Variants in OMD observed in about 807,000 individuals in gnomAD.
OMD encodes KSPG osteomodulin.
A neutral mutation model predicts 31.2 loss-of-function variants in OMD; 19 were observed. The ratio of observed to expected loss-of-function variants is 0.61; its 90% CI spans 0.42 to 0.89. OMD has a LOEUF of 0.89. Ranked by LOEUF, OMD falls within the 40% of genes least tolerant of loss-of-function variation. The pLI is 0.00. For missense variants in OMD, 448 were observed against 490.8 expected (o/e 0.91, Z 0.82); for synonymous variants, 155 against 166.4 (o/e 0.93, Z 0.53).
At chr9:92,417,606 G>A in intron 1 of OMD, 32 bp from the exon 2 acceptor site, 1 of 1,160,422 alleles carries the variant, frequency 8.6e-7, no homozygotes, top group Non-Finnish European at 1.2e-6. Context: ...ACATTGTGGA[G>A]AAAGTGAGTA....
intron 1 of OMD, among the ~76,000 whole-genome samples, chr9:92,418,008 G>A (rs1367546711): frequency 6.6e-6 from 1 of 152,142 alleles, no homozygotes; most frequent in African/African-American, 2.4e-5. Context: ...GATTACAGGT[G>A]TGAGCCACCA....
At chr9:92,423,140 C>T (rs1476416457) in intron 1 of OMD, among the ~76,000 whole-genome samples, 1 of 152,172 alleles carries the variant, frequency 6.6e-6, no homozygotes, top group Non-Finnish European at 1.5e-5. Context: ...TTCATGAGAG[C>T]TTGACTGTTC....
chr9:92,415,210 G>A lies in OMD; in HGVS notation c.1208C>T (p.Pro403Leu), dbSNP rs753804397. ...GTGCCCTTCTGCTCCTTCTTGTTCT[G>A]GGCTCTCATGAGCATTGTCAGGATC... ...HDDPDNAHES[P>L]EQEGAEGHFD... Residue 403 changes from proline (P) to leucine (L), a missense_variant, in exon 3 of 3, where the codon CCA becomes CTA. By Grantham distance (98) the Pro-to-Leu change is moderately conservative (BLOSUM62 -3). Transcript: ENST00000375550. 5.0e-6 allele frequency: 8 copies of A among 1,613,456 alleles called. No individual in the cohort carries two copies. Among genetic ancestry groups the A allele is most frequent in the Admixed American group, 1.7e-5 (1 of 59,968 alleles).
chr9:92,416,534 A>G, intron 2 of OMD, 85 bp downstream of exon 2: 1 of 889,734 alleles, frequency 1.1e-6, no homozygotes, highest in South Asian at 2.0e-5. Flanking sequence ...GCAATGTCTA[A>G]AGCATAGCTT....
At position 92,412,757 on chromosome 9, in the gene OMD, G is replaced by A. The variant is rs1843479169; in HGVS notation, c.*2395C>T. ...ATCACATTTTGTGTATCCATTGATG[G>A]ACATTTGCGTGGTTTCTACCTTTGG... is the stretch of plus-strand genomic sequence containing the variant. On this transcript the variant is annotated 3_prime_UTR_variant, in exon 3 of 3. Transcript: ENST00000375550. 6.6e-6 allele frequency among the ~76,000 whole-genome samples: 1 copy of A among 152,110 alleles called. No homozygotes were observed. Among genetic ancestry groups the A allele is most frequent in the Non-Finnish European group, 1.5e-5 (1 of 68,032 alleles).
Position 92,412,522 on chromosome 9 carries a change from C to T in OMD, c.*2630G>A, listed in dbSNP as rs1010877896. On this transcript the variant is annotated 3_prime_UTR_variant, in exon 3 of 3. Coordinates refer to ENST00000375550, the MANE Select transcript of OMD (RefSeq NM_005014.3). Reference sequence around the variant, plus strand: ...CAGTTACTTCTCACTTTCCCCATTCCCATGATCCCCAGCTCTAGGCAACCA... The same window carrying T: ...CAGTTACTTCTCACTTTCCCCATTCTCATGATCCCCAGCTCTAGGCAACCA... Among the ~76,000 whole-genome samples, 1 of 152,186 alleles carries T rather than the reference C, an allele frequency of 6.6e-6. No homozygotes were observed. Among genetic ancestry groups the T allele is most frequent in the Non-Finnish European group, 1.5e-5 (1 of 68,044 alleles).
chr9:92,417,398 G>T lies in OMD; in HGVS notation c.161C>A (p.Pro54His), dbSNP rs745318639. The change falls in exon 2 of 3, where the codon CCT becomes CAT. Residue 54 changes from proline to histidine, a missense_variant. By Grantham distance (77) the Pro-to-His change is moderately conservative. Coordinates refer to ENST00000375550, the MANE Select transcript of OMD (RefSeq NM_005014.3). The stretch of plus-strand genomic sequence containing the variant: ...ACAGCCTAAAGTATACTGATGAAAA[G>T]GAACTCCGTAGTCTACATTTTGACG... ...PFRQNVDYGV[P>H]FHQYTLGCVS... 2 of 1,614,086 alleles carry T rather than the reference G, an allele frequency of 1.2e-6. No homozygotes were observed. The highest frequency in any genetic ancestry group is 4.5e-5 in the East Asian group (2 of 44,864).
At chr9:92,416,015 AAT>A (rs1338581836) in intron 2 of OMD, among the ~76,000 whole-genome samples, 1 of 143,648 alleles carries the variant, frequency 7.0e-6, no homozygotes, top group Admixed American at 7.2e-5. Flanking sequence ...TATAAAAGAG[AAT>A]ATATATTTTT....
Position 92,416,915 on chromosome 9 carries a change from A to G in OMD, c.644T>C (p.Met215Thr), listed in dbSNP as rs745802059. Residue 215 changes from methionine (M) to threonine (T), a missense_variant, in exon 2 of 3, where the codon ATG (methionine) becomes ACG (threonine). Coordinates refer to ENST00000375550, the MANE Select transcript of OMD (RefSeq NM_005014.3). ...TCTGTTACTGCAGAGGTTGAGCTGC[A>G]TTAGTTTTTCCATTTTGGCAAAGAT... Reference protein sequence around the residue: ...DKIFAKMEKLMQLNLCSNRLE... With the variant: ...DKIFAKMEKLTQLNLCSNRLE... 2 of 1,614,048 alleles carry G rather than the reference A, an allele frequency of 1.2e-6. No homozygotes were observed. The highest frequency in any genetic ancestry group is 1.1e-5 in the South Asian group (1 of 91,080).
chr9:92,415,072 A>G lies in OMD; in HGVS notation c.*80T>C. On this transcript the variant is annotated 3_prime_UTR_variant, in exon 3 of 3. Coordinates refer to ENST00000375550, the MANE Select transcript of OMD (RefSeq NM_005014.3). The stretch of plus-strand genomic sequence containing the variant: ...ACATAATTCTAAATATATTACTTTG[A>G]GTAATACATGTTTACTTAGATTTAC... The G allele has an allele frequency of 1.9e-6, 2 of 1,070,676 alleles. No homozygotes were observed. Among genetic ancestry groups the G allele is most frequent in the Non-Finnish European group, 2.7e-6 (2 of 753,754 alleles). 66.3% of individuals were successfully genotyped at this position (1,070,676 alleles called of 1,614,324 possible). A position where few individuals can be genotyped will look rare whatever the true frequency, so the allele number is the denominator to read the frequency against.
chr9:92,415,183 A>G lies in OMD; in HGVS notation c.1235T>C (p.Phe412Ser), dbSNP rs1299953217. 6.2e-7 allele frequency: 1 copy of G among 1,610,770 alleles called. No individual in the cohort carries two copies. The highest frequency in any genetic ancestry group is 8.5e-7 in the Non-Finnish European group (1 of 1,179,160). Residue 412 changes from phenylalanine (F) to serine (S), a missense_variant, in exon 3 of 3, where the codon TTT becomes TCT. Physicochemically the swap from Phe to Ser is radical, Grantham distance 155. Transcript: ENST00000375550. ...SPEQEGAEGHFDLHYYENQE is the reference protein window; with the variant it reads ...SPEQEGAEGHSDLHYYENQE ...TTGATTTTCATAATAATGAAGGTCAAAGTGCCCTTCTGCTCCTTCTTGTTC... is the reference window on the plus strand; with the variant it reads ...TTGATTTTCATAATAATGAAGGTCAGAGTGCCCTTCTGCTCCTTCTTGTTC...
intron 1 of OMD, among the ~76,000 whole-genome samples, chr9:92,419,635 CGTT>C (rs1843727721): frequency 6.6e-6 from 1 of 152,114 alleles, no homozygotes; most frequent in South Asian, 2.1e-4. Flanking sequence ...TCCGCCTGGT[CGTT>C]GTTAGCATTG....
In OMD at chr9:92,415,124, C is replaced by A; in HGVS notation, c.*28G>T. On this transcript the variant is annotated 3_prime_UTR_variant, in exon 3 of 3. Transcript: ENST00000375550. ...ATATTAAGTATAGGTTTTGTGAAGTCGTAAGTGTATACCTATATAGTTTCT... is the reference window on the plus strand; with the variant it reads ...ATATTAAGTATAGGTTTTGTGAAGTAGTAAGTGTATACCTATATAGTTTCT... 1 of 1,524,102 alleles carries A rather than the reference C, an allele frequency of 6.6e-7. No homozygotes were observed. The highest frequency in any genetic ancestry group is 1.3e-5 in the South Asian group (1 of 77,346). 94.4% of individuals were successfully genotyped at this position (1,524,102 alleles called of 1,614,324 possible). A position where few individuals can be genotyped will look rare whatever the true frequency, so the allele number is the denominator to read the frequency against.
Position 92,415,844 on chromosome 9 carries a change from A to T in OMD, c.941-367T>A, listed in dbSNP as rs1004295744. Reference sequence around the variant, plus strand: ...AACTGACAATTTATACATATATATAAAAAAATATATATATATAAAATTATA... The same window carrying T: ...AACTGACAATTTATACATATATATATAAAAATATATATATATAAAATTATA... On this transcript the variant is annotated intron_variant, in intron 2 of 2. Transcript: ENST00000375550. 3.6e-5 allele frequency among the ~76,000 whole-genome samples: 5 copies of T among 137,252 alleles called. No individual in the cohort carries two copies. In the South Asian group the frequency reaches 7.5e-4, roughly 21 times the overall value. 90.0% of individuals were successfully genotyped at this position (137,252 alleles called of 152,430 possible).
intron 1 of OMD, among the ~76,000 whole-genome samples, chr9:92,423,956 A>C (rs1351041796): frequency 2.0e-5 from 3 of 152,190 alleles, no homozygotes; most frequent in Non-Finnish European, 2.9e-5. Flanking sequence ...AAAGTAAAAA[A>C]AAATCTAAAC....
chr9:92,415,583 T>C (rs1258371509), intron 2 of OMD, 106 bp from the exon 3 acceptor site: 8 of 472,774 alleles, frequency 1.7e-5, no homozygotes, highest in Non-Finnish European at 6.8e-6. Context: ...ATTCTGTTAA[T>C]TAAAATATTT....
intron 1 of OMD, among the ~76,000 whole-genome samples, chr9:92,422,724 A>T (rs1348827056): frequency 6.6e-6 from 1 of 151,954 alleles, no homozygotes; most frequent in African/African-American, 2.4e-5. Flanking sequence ...TCCTGTTTTC[A>T]TCTATATGCT....
Position 92,416,058 on chromosome 9 carries a change from G to GTGTGTGTATATATA in OMD, c.940+560_940+561insTATATATACACACA, listed in dbSNP as rs6151074. The stretch of plus-strand genomic sequence containing the variant: ...ATAAATAAATATATTATATATGTGT[G>GTGTGTGTATATATA]TATATATATATATTTATTTATTTAT... On this transcript the variant is annotated intron_variant, in intron 2 of 2. Transcript: ENST00000375550. Among the ~76,000 whole-genome samples, 367 of 130,880 alleles carry GTGTGTGTATATATA rather than the reference G, an allele frequency of 2.8e-3. 2 individuals carry two copies. The highest frequency in any genetic ancestry group is 4.3e-3 in the Non-Finnish European group (272 of 62,632). 85.9% of individuals were successfully genotyped at this position (130,880 alleles called of 152,430 possible).
chr9:92,412,691 G>C lies in OMD; in HGVS notation c.*2461C>G, dbSNP rs72752461. On this transcript the variant is annotated 3_prime_UTR_variant, in exon 3 of 3. Coordinates refer to ENST00000375550, the MANE Select transcript of OMD (RefSeq NM_005014.3). ...ATGTTGTAGCATATGTCAGTGCTTCGTTACTTTTTATTGCTGAATAATATT... is the reference window on the plus strand; with the variant it reads ...ATGTTGTAGCATATGTCAGTGCTTCCTTACTTTTTATTGCTGAATAATATT... Among the ~76,000 whole-genome samples, 35 of 152,184 alleles carry C rather than the reference G, an allele frequency of 2.3e-4. No individual in the cohort carries two copies. Among genetic ancestry groups the C allele is most frequent in the Non-Finnish European group, 4.9e-4 (33 of 68,014 alleles).
Sources: allele counts gnomAD v4.1 joint callset (sites outside exome capture counted in the v4.1 genomes callset), GRCh38; gene constraint gnomAD v4.1.1; transcripts MANE v1.5; gene names NCBI Gene and HGNC (gene_info 2026-07-23, HGNC 2026-07-21).